Variants in DPP10 observed in about 807,000 individuals in gnomAD.
DPP10 encodes the protein inactive dipeptidyl peptidase 10.
A neutral mutation model predicts 120.9 loss-of-function variants in DPP10; 33 were observed. The ratio of observed to expected loss-of-function variants is 0.27; its 90% CI spans 0.21 to 0.37. The LOEUF (loss-of-function observed/expected upper bound fraction) is 0.37. Among genes scored for constraint, DPP10 ranks in the 10% least tolerant of loss-of-function variants. DPP10 has a pLI of 1.00. For synonymous variants in DPP10, 337 were observed against 326.1 expected (o/e 1.03, Z -0.36); for missense variants, 816 against 942.8 (o/e 0.87, Z 1.76).
chr2:115,411,715 T>C (rs2068970909), intron 3 of DPP10, among the ~76,000 whole-genome samples: 1 of 152,214 alleles, frequency 6.6e-6, no homozygotes, highest in South Asian at 2.1e-4. Context: ...TTGCTCTTTA[T>C]TGAAATAAGA....
intron 3 of DPP10, among the ~76,000 whole-genome samples, chr2:115,483,069 A>T (rs1290736168): frequency 3.9e-5 from 6 of 152,096 alleles, no homozygotes; most frequent in African/African-American, 1.4e-4. Flanking sequence ...AGCCATTTTG[A>T]TGGTTAATGG....
intron 1 of DPP10, among the ~76,000 whole-genome samples, chr2:114,704,348 A>G (rs1700562603): frequency 6.6e-6 from 1 of 152,142 alleles, no homozygotes; most frequent in Non-Finnish European, 1.5e-5. Flanking sequence ...GAGGGATTGA[A>G]CAGGCTGATT....
chr2:114,910,691 C>A (rs375743920), intron 1 of DPP10, among the ~76,000 whole-genome samples: 10 of 151,904 alleles, frequency 6.6e-5, no homozygotes, highest in African/African-American at 2.4e-4. Context: ...TGAAAATTCC[C>A]AAAAGTTTTG....
Position 114,682,437 on chromosome 2 carries a change from A to C in DPP10, c.60+239599A>C, listed in dbSNP as rs186428415. Among the ~76,000 whole-genome samples the C allele has an allele frequency of 1.4e-4, 22 of 151,956 alleles. No individual in the cohort carries two copies. The East Asian group carries it at 4.3e-3, about 30-fold the overall frequency. ...TTCATCTTTTCCATTTTTTCTTTTA[A>C]ATGTAATAATGCTTCCAGTGTATAT... is the stretch of plus-strand genomic sequence containing the variant. On this transcript the variant is annotated intron_variant, in intron 1 of 25. Transcript: ENST00000410059.
chr2:115,416,766 C>A (rs1362595429), intron 3 of DPP10, among the ~76,000 whole-genome samples: 3 of 152,124 alleles, frequency 2.0e-5, no homozygotes, highest in Non-Finnish European at 2.9e-5. Context: ...ACATAAGAAA[C>A]CATTTCTGCA....
intron 3 of DPP10, among the ~76,000 whole-genome samples, chr2:115,423,177 T>A (rs571129716): frequency 6.6e-6 from 1 of 152,210 alleles, no homozygotes; most frequent in African/African-American, 2.4e-5. Context: ...CAAATATAAA[T>A]GTTAACTTTT....
At chr2:114,589,037 TGG>T (rs3981303) in intron 1 of DPP10, among the ~76,000 whole-genome samples, 16,872 of 102,442 alleles carry the variant, frequency 0.16, 1,192 homozygotes, top group East Asian at 0.26. Flanking sequence ...AAGGTTTTTT[TGG>T]GGGGGGGGGT....
At chr2:114,536,995 G>A (rs888479947) in intron 1 of DPP10, among the ~76,000 whole-genome samples, 2 of 152,172 alleles carry the variant, frequency 1.3e-5, no homozygotes, top group Non-Finnish European at 2.9e-5. Flanking sequence ...CTGGATGCTT[G>A]AAAAGTCTTA....
chr2:115,340,306 T>G (rs1212302585), intron 2 of DPP10, among the ~76,000 whole-genome samples: 1 of 152,132 alleles, frequency 6.6e-6, no homozygotes, highest in Non-Finnish European at 1.5e-5. Flanking sequence ...GGAAATATTC[T>G]GTTCACAATA....
At position 115,326,519 on chromosome 2, in the gene DPP10, A is replaced by G. The variant is rs139336927; in HGVS notation, c.175+17166A>G. Among the ~76,000 whole-genome samples, 77 of 152,200 alleles carry G rather than the reference A, an allele frequency of 5.1e-4. No individual in the cohort carries two copies. The East Asian group carries it at 0.014, about 28-fold the overall frequency. ...CTATTAAAACATAAGTTAACTGTAT[A>G]ATAGCCTCACGAATGTTCTTCAGGA... is the stretch of plus-strand genomic sequence containing the variant. On this transcript the variant is annotated intron_variant, in intron 2 of 25. Coordinates refer to ENST00000410059, the MANE Select transcript of DPP10 (RefSeq NM_020868.6).
In DPP10 at chr2:114,974,148, C is replaced by T. The variant is rs184633948; in HGVS notation, c.61-335091C>T. ...AGGTGTGCAGTGTTTGTAAAGCTTA[C>T]AGCAGTGAACAGTAATGTCCTAGGC... is the stretch of plus-strand genomic sequence containing the variant. On this transcript the variant is annotated intron_variant, in intron 1 of 25. Transcript: ENST00000410059. 2.1e-3 allele frequency among the ~76,000 whole-genome samples: 323 copies of T among 152,250 alleles called. 3 individuals carry two copies. Among genetic ancestry groups the T allele is most frequent in the African/African-American group, 7.7e-3 (319 of 41,568 alleles).
At chr2:114,687,826 T>G (rs1355707941) in intron 1 of DPP10, among the ~76,000 whole-genome samples, 1 of 152,030 alleles carries the variant, frequency 6.6e-6, no homozygotes, top group African/African-American at 2.4e-5. Flanking sequence ...GTTCAGGTAC[T>G]AGGCCATTCC....
chr2:114,682,806 A>G (rs1028653701), intron 1 of DPP10, among the ~76,000 whole-genome samples: 1 of 151,738 alleles, frequency 6.6e-6, no homozygotes, highest in East Asian at 1.9e-4. Flanking sequence ...CTATCTATCT[A>G]TCTATCTAGA....
intron 1 of DPP10, among the ~76,000 whole-genome samples, chr2:114,492,116 G>A (rs2104443848): frequency 1.3e-5 from 2 of 152,224 alleles, no homozygotes; most frequent in South Asian, 4.1e-4. Flanking sequence ...GGCATCAGTT[G>A]AAAGTGTTTG....
chr2:114,877,889 A>G (rs1480246706), intron 1 of DPP10, among the ~76,000 whole-genome samples: 2 of 151,976 alleles, frequency 1.3e-5, no homozygotes, highest in African/African-American at 4.8e-5. Flanking sequence ...AGCAGTGACC[A>G]AAGGTGAATA....
intron 1 of DPP10, among the ~76,000 whole-genome samples, chr2:114,517,518 T>G (rs1434144938): frequency 9.1e-6 from 1 of 109,800 alleles, no homozygotes; most frequent in Non-Finnish European, 2.0e-5. Context: ...TGAGACTCCG[T>G]CTCAAAAAAA....
At chr2:114,635,785 A>T (rs1255673039) in intron 1 of DPP10, among the ~76,000 whole-genome samples, 1 of 151,992 alleles carries the variant, frequency 6.6e-6, no homozygotes, top group East Asian at 1.9e-4. Context: ...TAAAATGAAG[A>T]CATTTTAAAA....
At chr2:115,810,537 G>A (rs867344922) in intron 19 of DPP10, among the ~76,000 whole-genome samples, 11 of 151,946 alleles carry the variant, frequency 7.2e-5, no homozygotes, top group Admixed American at 7.2e-4. Flanking sequence ...ATTATATTGT[G>A]AACTCATCCA....
At chr2:115,682,248 A>G (rs1004342008) in intron 5 of DPP10, among the ~76,000 whole-genome samples, 6 of 151,970 alleles carry the variant, frequency 3.9e-5, no homozygotes, top group African/African-American at 1.4e-4. Flanking sequence ...TCAAATGATG[A>G]TAAGTAGAAA....
Sources: allele counts gnomAD v4.1 joint callset (sites outside exome capture counted in the v4.1 genomes callset), GRCh38; gene constraint gnomAD v4.1.1; transcripts MANE v1.5; gene names NCBI Gene and HGNC (gene_info 2026-07-23, HGNC 2026-07-21).